Variants in JAZF1 observed in about 807,000 individuals in gnomAD.
JAZF1 encodes the protein JAZF zinc finger 1.
A neutral mutation model predicts 26.4 loss-of-function variants in JAZF1; 8 were observed. The observed-to-expected ratio is 0.30, with a 90% confidence interval of 0.18 to 0.55. The LOEUF (loss-of-function observed/expected upper bound fraction) is 0.55, where lower values mean the gene tolerates loss of function less well. JAZF1 is among the 20% of genes least tolerant of loss of function. The pLI is 0.94. For synonymous variants in JAZF1, 126 were observed against 122.3 expected, an observed-to-expected ratio of 1.03 and a Z score of -0.20; for missense variants, 199 against 322.0, an observed-to-expected ratio of 0.62 and a Z score of 2.92.
intron 2 of JAZF1, among the ~76,000 whole-genome samples, chr7:27,900,675 G>C (rs995736637): frequency 1.3e-5 from 2 of 152,184 alleles, no homozygotes; most frequent in Admixed American, 1.3e-4. Context: ...ATTAATCAGG[G>C]AAGGAACGAA....
chr7:27,926,822 G>A lies in JAZF1; in HGVS notation c.189-31406C>T, dbSNP rs181660094. 1.2e-4 allele frequency among the ~76,000 whole-genome samples: 19 copies of A among 152,326 alleles called. No homozygotes were observed. The East Asian group carries it at 3.3e-3, about 26-fold the overall frequency. On this transcript the variant is annotated intron_variant, in intron 2 of 4. Transcript: ENST00000283928. ...AGTTCCTTCCATGTTGGGGATTGGAGGTATGGCAGAGTCCAAATGTAGTGG... is the reference window on the plus strand; with the variant it reads ...AGTTCCTTCCATGTTGGGGATTGGAAGTATGGCAGAGTCCAAATGTAGTGG...
At chr7:28,030,649 G>A (rs142518246) in intron 1 of JAZF1, among the ~76,000 whole-genome samples, 146 of 152,238 alleles carry the variant, frequency 9.6e-4, no homozygotes, top group African/African-American at 3.4e-3. Flanking sequence ...AAGTACATGA[G>A]TTACTATGAA....
intron 2 of JAZF1, among the ~76,000 whole-genome samples, chr7:27,913,034 C>T (rs1003372481): frequency 6.6e-6 from 1 of 151,998 alleles, no homozygotes; most frequent in Non-Finnish European, 1.5e-5. Flanking sequence ...TGTGAGGAGA[C>T]ATTGTATCTT....
intron 2 of JAZF1, among the ~76,000 whole-genome samples, chr7:27,932,239 T>C (rs1254651678): frequency 6.6e-6 from 1 of 152,158 alleles, no homozygotes; most frequent in Non-Finnish European, 1.5e-5. Flanking sequence ...CTAAGACATT[T>C]CCCCCAACTG....
At chr7:27,920,293 G>A (rs975314727) in intron 2 of JAZF1, among the ~76,000 whole-genome samples, 1 of 152,084 alleles carries the variant, frequency 6.6e-6, no homozygotes, top group Non-Finnish European at 1.5e-5. Flanking sequence ...CAGAGTGATC[G>A]ATTTGTTCTT....
At chr7:27,998,455 G>C (rs2128367000) in intron 1 of JAZF1, among the ~76,000 whole-genome samples, 1 of 152,204 alleles carries the variant, frequency 6.6e-6, no homozygotes, top group Non-Finnish European at 1.5e-5. Context: ...AATAATGCTT[G>C]TTGGCAACGG....
intron 2 of JAZF1, among the ~76,000 whole-genome samples, chr7:27,896,267 C>T (rs757609133): frequency 5.9e-5 from 9 of 152,200 alleles, no homozygotes; most frequent in Non-Finnish European, 8.8e-5. Context: ...GTATAATCTA[C>T]CATTTTGTAA....
intron 1 of JAZF1, among the ~76,000 whole-genome samples, chr7:28,097,940 A>G (rs1352981540): frequency 6.6e-6 from 1 of 152,152 alleles, no homozygotes; most frequent in Admixed American, 6.5e-5. Context: ...AAATTCTCAA[A>G]CCATTCCATA....
intron 3 of JAZF1, among the ~76,000 whole-genome samples, chr7:27,846,113 T>C (rs1486305614): frequency 6.6e-6 from 1 of 152,000 alleles, no homozygotes; most frequent in African/African-American, 2.4e-5. Context: ...CTAAGCTACA[T>C]CTCCCCATTT....
chr7:27,979,250 CTA>C (rs1785531745), intron 2 of JAZF1, among the ~76,000 whole-genome samples: 2 of 150,302 alleles, frequency 1.3e-5, no homozygotes, highest in Non-Finnish European at 2.9e-5. Context: ...ATACTAAATG[CTA>C]TATATATATT....
intron 1 of JAZF1, among the ~76,000 whole-genome samples, chr7:28,057,997 G>A (rs1270331299): frequency 6.6e-6 from 1 of 152,150 alleles, no homozygotes; most frequent in Non-Finnish European, 1.5e-5. Context: ...GTTTTTAGGT[G>A]GTTATTTTTT....
chr7:28,094,457 C>T (rs954483582), intron 1 of JAZF1, among the ~76,000 whole-genome samples: 15 of 152,218 alleles, frequency 9.9e-5, no homozygotes, highest in African/African-American at 3.6e-4. Context: ...CCTATCCGCT[C>T]CGTAGCACGA....
At chr7:28,027,421 T>C (rs1783112471) in intron 1 of JAZF1, among the ~76,000 whole-genome samples, 1 of 152,176 alleles carries the variant, frequency 6.6e-6, no homozygotes, top group African/African-American at 2.4e-5. Flanking sequence ...TGTGGGACAG[T>C]AGGTGACATT....
intron 2 of JAZF1, among the ~76,000 whole-genome samples, chr7:27,911,656 G>A (rs1784362310): frequency 6.6e-6 from 1 of 152,186 alleles, no homozygotes; most frequent in Non-Finnish European, 1.5e-5. Flanking sequence ...GTCCTATTGA[G>A]CAGTGCTGTT....
At chr7:28,068,831 T>G (rs1211285973) in intron 1 of JAZF1, among the ~76,000 whole-genome samples, 1 of 152,228 alleles carries the variant, frequency 6.6e-6, no homozygotes. Flanking sequence ...TGCCCATACT[T>G]TCCCCTGGAA....
At chr7:28,066,327 G>T (rs1342091654) in intron 1 of JAZF1, among the ~76,000 whole-genome samples, 1 of 152,084 alleles carries the variant, frequency 6.6e-6, no homozygotes, top group African/African-American at 2.4e-5. Context: ...AACAAGGCTG[G>T]GCGCAGTGGC....
At chr7:28,136,447 T>G (rs546419480) in intron 1 of JAZF1, among the ~76,000 whole-genome samples, 1 of 152,264 alleles carries the variant, frequency 6.6e-6, no homozygotes, top group East Asian at 1.9e-4. Context: ...CATATAGGGA[T>G]CTGGGCTGCA....
intron 1 of JAZF1, among the ~76,000 whole-genome samples, chr7:28,179,533 G>A (rs1281784125): frequency 6.6e-6 from 1 of 151,836 alleles, no homozygotes; most frequent in African/African-American, 2.4e-5. Context: ...GCAGAGCCGG[G>A]GTGCATTTAA....
chr7:27,923,073 A>G (rs1784558136), intron 2 of JAZF1, among the ~76,000 whole-genome samples: 1 of 152,242 alleles, frequency 6.6e-6, no homozygotes, highest in South Asian at 2.1e-4. Context: ...TGTTGGCGGC[A>G]GTCTCCAGAT....
Sources: gnomAD v4.1 joint callset for allele counts (sites outside exome capture counted in the v4.1 genomes callset) on GRCh38, gnomAD v4.1.1 for gene constraint, MANE v1.5 for transcripts, NCBI Gene and HGNC (gene_info 2026-07-23, HGNC 2026-07-21) for gene names.